SYT1: variants seen among roughly 807,000 people sequenced by gnomAD.
The protein encoded by SYT1 is synaptotagmin 1.
In SYT1, 8 loss-of-function variants were observed where a neutral mutation model predicts 44.8. That is an observed-to-expected ratio of 0.18 (90% CI 0.10 to 0.32). SYT1 has a LOEUF of 0.32. SYT1 is among the 10% of genes least tolerant of loss of function. SYT1 has a pLI of 1.00. For synonymous variants in SYT1, 154 were observed against 188.8 expected, an observed-to-expected ratio of 0.82 and a Z score of 1.51; for missense variants, 286 against 509.3, an observed-to-expected ratio of 0.56 and a Z score of 4.22.
intron 3 of SYT1, among the ~76,000 whole-genome samples, chr12:79,101,337 C>T (rs981435396): frequency 6.6e-6 from 1 of 152,068 alleles, no homozygotes; most frequent in Non-Finnish European, 1.5e-5. Context: ...AATGGATGAA[C>T]CTTGGAGACA....
intron 3 of SYT1, among the ~76,000 whole-genome samples, chr12:79,088,056 A>G (rs894030413): frequency 1.3e-5 from 2 of 152,070 alleles, no homozygotes; most frequent in African/African-American, 4.8e-5. Flanking sequence ...TTATTTGTAA[A>G]ATTAGCATAA....
chr12:79,281,103 A>C (rs2138811486), intron 4 of SYT1, among the ~76,000 whole-genome samples: 1 of 152,256 alleles, frequency 6.6e-6, no homozygotes, highest in South Asian at 2.1e-4. Context: ...GAGTTCTCAA[A>C]GAACTAAAAA....
chr12:78,985,750 A>G (rs1488456926), intron 2 of SYT1, among the ~76,000 whole-genome samples: 2 of 152,006 alleles, frequency 1.3e-5, no homozygotes. Flanking sequence ...AGGACTTTAT[A>G]AATTGGTTTA....
chr12:78,894,590 G>A (rs1875251146), intron 1 of SYT1, among the ~76,000 whole-genome samples: 1 of 151,552 alleles, frequency 6.6e-6, no homozygotes, highest in Middle Eastern at 3.4e-3. Context: ...CATATTAAGT[G>A]CTTATCAGAG....
intron 1 of SYT1, among the ~76,000 whole-genome samples, chr12:78,876,456 T>C (rs917598531): frequency 2.6e-5 from 3 of 116,166 alleles, no homozygotes; most frequent in Non-Finnish European, 3.5e-5. Flanking sequence ...GTTTTGAAAA[T>C]GGAGGTGTTT....
At chr12:79,324,433 C>T (rs59053292) in intron 8 of SYT1, among the ~76,000 whole-genome samples, 7,703 of 152,150 alleles carry the variant, frequency 0.051, 495 homozygotes, top group East Asian at 0.31. Flanking sequence ...ACCCCGCCTT[C>T]ATTCCCTTTT....
chr12:79,136,406 C>A (rs1230008077), intron 3 of SYT1, among the ~76,000 whole-genome samples: 2 of 152,090 alleles, frequency 1.3e-5, no homozygotes, highest in East Asian at 3.9e-4. Flanking sequence ...ATGTACTGAC[C>A]CCAAAGCCAT....
chr12:79,344,222 A>G (rs1882503166), intron 8 of SYT1, among the ~76,000 whole-genome samples: 1 of 152,008 alleles, frequency 6.6e-6, no homozygotes, highest in Non-Finnish European at 1.5e-5. Context: ...CTTATTCCCC[A>G]CCTACTTTAC....
intron 1 of SYT1, among the ~76,000 whole-genome samples, chr12:78,870,502 T>C (rs1330711943): frequency 1.3e-5 from 2 of 152,136 alleles, no homozygotes; most frequent in Non-Finnish European, 2.9e-5. Flanking sequence ...AAATCAAAGA[T>C]AAAATGCACA....
intron 9 of SYT1, chr12:79,419,227 A>G: frequency 3.9e-6 from 2 of 517,800 alleles, no homozygotes; most frequent in South Asian, 2.9e-5. Flanking sequence ...TTGTTGAGAA[A>G]TTGGTAAGTT....
At position 79,296,142 on chromosome 12, in the gene SYT1, A is replaced by G. The variant is rs1309651992; in HGVS notation, c.548A>G (p.Lys183Arg). Residue 183 changes from lysine (K) to arginine (R), a missense_variant, in exon 7 of 11, where the codon AAA (lysine) becomes AGA (arginine). Lys to Arg is a conservative substitution (Grantham distance 26, BLOSUM62 2). This residue lies in a region of SYT1 where 81 missense variants were observed against 164.9 expected (regional missense o/e 0.49). Coordinates refer to ENST00000261205, the MANE Select transcript of SYT1 (RefSeq NM_005639.3). ...DMGGTSDPYVKVFLLPDKKKK... is the reference protein window; with the variant it reads ...DMGGTSDPYVRVFLLPDKKKK... ...GGGGGCACATCTGATCCTTACGTGAAAGTGTTTCTGCTACCTGATAAGAAG... is the reference window on the plus strand; with the variant it reads ...GGGGGCACATCTGATCCTTACGTGAGAGTGTTTCTGCTACCTGATAAGAAG... 1 of 1,614,064 alleles carries G rather than the reference A, an allele frequency of 6.2e-7. No individual in the cohort carries two copies. The highest frequency in any genetic ancestry group is 2.2e-5 in the East Asian group (1 of 44,878).
intron 3 of SYT1, among the ~76,000 whole-genome samples, chr12:79,145,684 A>G (rs995758918): frequency 5.3e-5 from 8 of 152,098 alleles, no homozygotes; most frequent in African/African-American, 1.9e-4. Flanking sequence ...TAACACAGCT[A>G]ATTTTTCAAA....
At chr12:78,904,043 A>G (rs918739480) in intron 1 of SYT1, among the ~76,000 whole-genome samples, 7 of 152,024 alleles carry the variant, frequency 4.6e-5, no homozygotes, top group Admixed American at 3.3e-4. Context: ...AAGAAAAATA[A>G]TAATTTAAAC....
chr12:79,244,682 C>T (rs1448043855), intron 4 of SYT1, among the ~76,000 whole-genome samples: 1 of 146,678 alleles, frequency 6.8e-6, no homozygotes. Flanking sequence ...CCAGCCTGGA[C>T]GACAGAGAGA....
chr12:79,082,757 A>G (rs1426638302), intron 3 of SYT1, among the ~76,000 whole-genome samples: 1 of 152,108 alleles, frequency 6.6e-6, no homozygotes, highest in Non-Finnish European at 1.5e-5. Context: ...TCATGAGCCA[A>G]GGAAGAGGCA....
intron 1 of SYT1, among the ~76,000 whole-genome samples, chr12:78,973,832 A>G (rs1868549944): frequency 6.7e-6 from 1 of 149,248 alleles, no homozygotes; most frequent in South Asian, 2.2e-4. Flanking sequence ...GGTCCTAGAC[A>G]TGTAGCAAAA....
intron 1 of SYT1, among the ~76,000 whole-genome samples, chr12:78,966,734 A>G (rs1330413273): frequency 6.6e-6 from 1 of 152,142 alleles, no homozygotes; most frequent in Non-Finnish European, 1.5e-5. Flanking sequence ...TTTTGATATG[A>G]TGTTGGAGAA....
At chr12:79,055,828 AATTT>A (rs1475088460) in intron 3 of SYT1, among the ~76,000 whole-genome samples, 5 of 152,072 alleles carry the variant, frequency 3.3e-5, no homozygotes, top group South Asian at 2.1e-4. Flanking sequence ...TTTTCTTTCA[AATTT>A]ATTTATTTAT....
At chr12:79,042,136 T>C (rs2137731555) in intron 2 of SYT1, among the ~76,000 whole-genome samples, 1 of 151,388 alleles carries the variant, frequency 6.6e-6, no homozygotes, top group East Asian at 2.0e-4. Context: ...GATGCTGGCC[T>C]CATAAAATGA....
Sources: allele counts gnomAD v4.1 joint callset (sites outside exome capture counted in the v4.1 genomes callset), GRCh38; gene constraint gnomAD v4.1.1; regional missense constraint gnomAD v4.1.1; transcripts MANE v1.5; gene names NCBI Gene and HGNC (gene_info 2026-07-23, HGNC 2026-07-21).